The following HMG20A variants were observed in gnomAD, a reference collection of about 807,000 sequenced individuals.
HMG20A encodes the protein high mobility group 20A, also known as high mobility group protein 20A.
In HMG20A, 17 loss-of-function variants were observed where a neutral mutation model predicts 43.9. The observed-to-expected ratio is 0.39, with a 90% CI of 0.27 to 0.58. HMG20A has a LOEUF of 0.58. Ranked by LOEUF, HMG20A falls within the 20% of genes least tolerant of loss-of-function variation. The probability of loss-of-function intolerance (pLI) is 0.59; values close to 1 mark genes in which losing one functional copy is unlikely to be tolerated. For synonymous variants in HMG20A, 132 were observed against 147.5 expected (o/e 0.89, Z 0.76); for missense variants, 341 against 438.2 (o/e 0.78, Z 1.98).
intron 1 of HMG20A, among the ~76,000 whole-genome samples, chr15:77,429,071 A>G (rs908782490): frequency 6.6e-6 from 1 of 152,068 alleles, no homozygotes; most frequent in Non-Finnish European, 1.5e-5. Flanking sequence ...GGCCGGGCAC[A>G]GTGGTTTGTA....
intron 1 of HMG20A, among the ~76,000 whole-genome samples, chr15:77,437,868 G>T (rs1051385727): frequency 6.6e-6 from 1 of 151,894 alleles, no homozygotes; most frequent in African/African-American, 2.4e-5. Flanking sequence ...GCCACTGTGC[G>T]CAGCCCTAAG....
intron 9 of HMG20A, chr15:77,482,311 G>A (rs1340100894): frequency 6.6e-6 from 1 of 152,172 alleles, no homozygotes; most frequent in Non-Finnish European, 1.5e-5. Flanking sequence ...TAAATATACA[G>A]TGGAAGAATT....
chr15:77,478,206 G>A, intron 7 of HMG20A, 89 bp from the exon 8 acceptor site: 1 of 1,305,260 alleles, frequency 7.7e-7, no homozygotes, highest in Non-Finnish European at 1.1e-6. Context: ...ATTAGAGGCA[G>A]CTAAGCAGAA....
In HMG20A at chr15:77,484,912, T is replaced by C. The variant is rs2072935058; in HGVS notation, c.*1949T>C. On this transcript the variant is annotated 3_prime_UTR_variant, in exon 10 of 10. Coordinates refer to ENST00000336216, the MANE Select transcript of HMG20A (RefSeq NM_001304504.2). ...TGTGTCCTGTCTTCCTTCCTCCTCA[T>C]ATTTCTGTTTCTCATTTGTGTTCAG... 6.6e-6 allele frequency: 1 copy of C among 152,220 alleles called. No individual in the cohort carries two copies. The highest frequency in any genetic ancestry group is 1.5e-5 in the Non-Finnish European group (1 of 68,048). The allele number at this position is 152,220 out of a possible 1,614,324, so 9.4% of individuals were successfully genotyped here. A position where few individuals can be genotyped will look rare whatever the true frequency, so the allele number is the denominator to read the frequency against.
At chr15:77,503,078 T>A in the HMG20A span, among the ~76,000 whole-genome samples, 2 of 152,250 alleles carry the variant, frequency 1.3e-5, no homozygotes, top group Non-Finnish European at 2.9e-5. Context: ...AGCCATCTAC[T>A]TATTTGCTTA....
rs1196016443 is a variant in HMG20A at position 77,467,274 on chromosome 15, T to C, written c.417T>C (p.Asn139=). Residue 139 remains asparagine, a synonymous_variant, in exon 4 of 10, where the codon AAT becomes AAC. Transcript: ENST00000336216. ...PFPEITRMLG[N]EWSKLPPEEK... is the part of the protein sequence containing the mutation. ...CAGAAATCACAAGGATGTTAGGCAA[T>C]GAATGGAGTAAACTGCCTCCTGAGG... 5.8e-5 allele frequency: 93 copies of C among 1,614,090 alleles called. No individual in the cohort carries two copies. Among genetic ancestry groups the C allele is most frequent in the Non-Finnish European group, 7.6e-5 (90 of 1,179,966 alleles).
intron 9 of HMG20A, among the ~76,000 whole-genome samples, chr15:77,481,569 A>G (rs2142365742): frequency 6.6e-6 from 1 of 152,320 alleles, no homozygotes. Flanking sequence ...TTTGCCAGTA[A>G]GACTCTCCTA....
At chr15:77,443,960 C>G (rs944573238) in intron 1 of HMG20A, among the ~76,000 whole-genome samples, 20 of 152,202 alleles carry the variant, frequency 1.3e-4, no homozygotes, top group Admixed American at 2.6e-4. Context: ...ATTCACCTGC[C>G]TCAGCCTCCC....
chr15:77,452,679 C>G (rs1448891992), intron 1 of HMG20A, among the ~76,000 whole-genome samples: 1 of 151,778 alleles, frequency 6.6e-6, no homozygotes, highest in East Asian at 1.9e-4. Flanking sequence ...TAAATCTTCA[C>G]AACTTTGATT....
At chr15:77,491,251 G>A in the HMG20A span, among the ~76,000 whole-genome samples, 18 of 152,198 alleles carry the variant, frequency 1.2e-4, no homozygotes, top group African/African-American at 1.7e-4. Flanking sequence ...CAGTCAGAAG[G>A]TTTAAAGACT....
At chr15:77,454,173 A>AG (rs2072633280) in intron 1 of HMG20A, among the ~76,000 whole-genome samples, 2 of 151,504 alleles carry the variant, frequency 1.3e-5, no homozygotes, top group African/African-American at 4.9e-5. Context: ...TAAAAAAAAA[A>AG]AAAAAAACAA....
chr15:77,495,626 A>G, the HMG20A span, among the ~76,000 whole-genome samples: 1 of 152,158 alleles, frequency 6.6e-6, no homozygotes, highest in Non-Finnish European at 1.5e-5. Flanking sequence ...CTAAGGAGTT[A>G]GATAGAGTGT....
chr15:77,476,311 G>A (rs993522151), intron 6 of HMG20A, among the ~76,000 whole-genome samples: 1 of 151,908 alleles, frequency 6.6e-6, no homozygotes, highest in Non-Finnish European at 1.5e-5. Flanking sequence ...GCGAAACCCC[G>A]TCTCTACTAA....
At chr15:77,491,152 G>A in the HMG20A span, among the ~76,000 whole-genome samples, 3 of 152,222 alleles carry the variant, frequency 2.0e-5, no homozygotes, top group Non-Finnish European at 4.4e-5. Flanking sequence ...CCTGGGGCAA[G>A]AAATGGAAAG....
chr15:77,480,821 G>A (rs534352370), intron 9 of HMG20A, among the ~76,000 whole-genome samples: 1 of 150,544 alleles, frequency 6.6e-6, no homozygotes, highest in South Asian at 2.1e-4. Flanking sequence ...AATTCCTAGA[G>A]ATAGGATACC....
intron 1 of HMG20A, among the ~76,000 whole-genome samples, chr15:77,430,579 C>T (rs556157973): frequency 6.6e-6 from 1 of 152,316 alleles, no homozygotes; most frequent in African/African-American, 2.4e-5. Flanking sequence ...TGCTGTGAAA[C>T]TTAGCAGAGG....
At chr15:77,467,056 T>G (rs775666279) in intron 3 of HMG20A, 39 bp from the exon 4 acceptor site, 9 of 1,534,232 alleles carry the variant, frequency 5.9e-6, no homozygotes, top group Non-Finnish European at 6.3e-6. Flanking sequence ...AGATGGTTGT[T>G]GTTTGGTTTT....
the HMG20A span, among the ~76,000 whole-genome samples, chr15:77,514,738 G>A: frequency 2.0e-5 from 3 of 152,140 alleles, no homozygotes; most frequent in African/African-American, 7.2e-5. Context: ...AGAGGGAAGC[G>A]ACATAATCAC....
At chr15:77,495,688 C>A in the HMG20A span, among the ~76,000 whole-genome samples, 4 of 152,328 alleles carry the variant, frequency 2.6e-5, no homozygotes, top group East Asian at 7.7e-4. Flanking sequence ...GAGACCTCAG[C>A]TTCCATCTCT....
Sources: gnomAD v4.1 joint callset for allele counts (sites outside exome capture counted in the v4.1 genomes callset) on GRCh38, gnomAD v4.1.1 for gene constraint, MANE v1.5 for transcripts, NCBI Gene and HGNC (gene_info 2026-07-23, HGNC 2026-07-21) for gene names.